Variants in THRB observed in about 807,000 individuals in gnomAD.
The protein encoded by THRB is nuclear receptor subfamily 1 group A member 2.
THRB carries 12 observed loss-of-function variants against 47.8 expected under a neutral mutation model. That is an observed-to-expected ratio of 0.25 (90% CI 0.16 to 0.41). THRB has a LOEUF of 0.41. THRB is among the 10% of genes least tolerant of loss of function. THRB has a pLI of 1.00. For missense variants in THRB, 348 were observed against 589.2 expected (o/e 0.59, Z 4.24); for synonymous variants, 218 against 212.2 (o/e 1.03, Z -0.24).
Position 24,369,612 on chromosome 3 carries a change from AT to A in THRB, c.-260-32242del, listed in dbSNP as rs371315710. On this transcript the variant is annotated intron_variant, in intron 1 of 10. Coordinates refer to ENST00000646209, the MANE Select transcript of THRB (RefSeq NM_001354712.2). ...CAGTATTTTACCCCTATGCTGGGCT[AT>A]TTTTTAACACTCCTCTCCTCTCTTG... Among the ~76,000 whole-genome samples, 28 of 152,218 alleles carry A rather than the reference AT, an allele frequency of 1.8e-4. No homozygotes were observed. In the East Asian group the frequency reaches 4.2e-3, roughly 23 times the overall value.
chr3:24,336,051 G>T (rs1180394545), intron 2 of THRB, among the ~76,000 whole-genome samples: 1 of 152,212 alleles, frequency 6.6e-6, no homozygotes, highest in Non-Finnish European at 1.5e-5. Context: ...AAAGGAGAGG[G>T]CTATTTGTAA....
chr3:24,357,497 A>G (rs979040070), intron 1 of THRB, among the ~76,000 whole-genome samples: 1 of 151,998 alleles, frequency 6.6e-6, no homozygotes, highest in African/African-American at 2.4e-5. Context: ...GAGTCTCCAT[A>G]GAGTTTGTGA....
intron 2 of THRB, among the ~76,000 whole-genome samples, chr3:24,333,061 G>C (rs1403516010): frequency 6.6e-6 from 1 of 152,120 alleles, no homozygotes; most frequent in African/African-American, 2.4e-5. Context: ...TCCAGCCTGG[G>C]TGACAGAGCG....
chr3:24,239,248 T>C lies in THRB; in HGVS notation c.-42-10247A>G, dbSNP rs4468924. Among the ~76,000 whole-genome samples the C allele has an allele frequency of 2.4e-3, 360 of 152,212 alleles. 1 individual carries two copies. Among genetic ancestry groups the C allele is most frequent in the Non-Finnish European group, 3.6e-3 (247 of 68,012 alleles). ...TGAGCCACTGCATTCAGTCGCACAT[T>C]AGGTTCTTGTTTAATTCTGCTTGGT... On this transcript the variant is annotated intron_variant, in intron 3 of 10. Transcript: ENST00000646209.
At chr3:24,481,656 T>C (rs1696441366) in intron 1 of THRB, among the ~76,000 whole-genome samples, 1 of 152,042 alleles carries the variant, frequency 6.6e-6, no homozygotes, top group Non-Finnish European at 1.5e-5. Flanking sequence ...TGAGGGAAAG[T>C]GTCATTGGAG....
chr3:24,413,845 T>G (rs2068528022), intron 1 of THRB, among the ~76,000 whole-genome samples: 1 of 151,778 alleles, frequency 6.6e-6, no homozygotes, highest in Non-Finnish European at 1.5e-5. Flanking sequence ...TAAAAAAGGA[T>G]GAGTTCATAT....
At chr3:24,203,096 T>C (rs190398616) in intron 4 of THRB, among the ~76,000 whole-genome samples, 1 of 152,148 alleles carries the variant, frequency 6.6e-6, no homozygotes, top group East Asian at 1.9e-4. Flanking sequence ...TCCTGGAAAA[T>C]GAATGGAGGA....
chr3:24,161,551 A>G lies in THRB; in HGVS notation c.284-9061T>C, dbSNP rs187451066. ...AAGCTTGAGAAAGAAACATTCCCCA[A>G]TTTGCTACTTAATTTTCATTTCAAA... On this transcript the variant is annotated intron_variant, in intron 5 of 10. Transcript: ENST00000646209. 4.6e-5 allele frequency among the ~76,000 whole-genome samples: 7 copies of G among 150,738 alleles called. No individual in the cohort carries two copies. In the East Asian group the frequency reaches 1.4e-3, roughly 30 times the overall value.
intron 1 of THRB, among the ~76,000 whole-genome samples, chr3:24,369,459 A>T (rs557803685): frequency 6.6e-6 from 1 of 152,292 alleles, no homozygotes; most frequent in East Asian, 1.9e-4. Flanking sequence ...TTGCCTTCAC[A>T]ACAAGGAATT....
intron 1 of THRB, among the ~76,000 whole-genome samples, chr3:24,462,256 G>C (rs2073774438): frequency 6.6e-6 from 1 of 152,180 alleles, no homozygotes; most frequent in African/African-American, 2.4e-5. Context: ...GCACCTTTAA[G>C]GGATAGGCTT....
Position 24,119,054 on chromosome 3 carries a change from T to G in THRB, c.*3830A>C, listed in dbSNP as rs369341188. On this transcript the variant is annotated 3_prime_UTR_variant, in exon 11 of 11. Transcript: ENST00000646209. ...TAAAGATTAAAGTAAAATGTCTCAA[T>G]TGTAAAAAATACACACCGGGCAAAT... The G allele has an allele frequency of 2.1e-5, 3 of 139,610 alleles. No homozygotes were observed. Among genetic ancestry groups the G allele is most frequent in the African/African-American group, 8.4e-5 (3 of 35,894 alleles). The allele number at this position is 139,610 out of a possible 1,614,324, so 8.6% of individuals were successfully genotyped here. A position where few individuals can be genotyped will look rare whatever the true frequency, so the allele number is the denominator to read the frequency against.
intron 4 of THRB, among the ~76,000 whole-genome samples, chr3:24,214,490 C>T (rs933585428): frequency 9.2e-5 from 14 of 152,002 alleles, no homozygotes; most frequent in Non-Finnish European, 1.9e-4. Flanking sequence ...TCATAGGAAA[C>T]AATAAAAGCT....
At chr3:24,127,897 T>G in intron 9 of THRB, 140 bp from the exon 10 acceptor site, 1 of 1,014,792 alleles carries the variant, frequency 9.9e-7, no homozygotes, top group South Asian at 1.4e-5. Flanking sequence ...TGGTTTTCCC[T>G]TCCCTACTTG....
At chr3:24,390,066 T>C (rs1214500683) in intron 1 of THRB, among the ~76,000 whole-genome samples, 1 of 152,152 alleles carries the variant, frequency 6.6e-6, no homozygotes, top group Non-Finnish European at 1.5e-5. Flanking sequence ...CCCACTGCTT[T>C]AGACCATGTG....
chr3:24,202,503 A>C (rs2044711543), intron 4 of THRB, among the ~76,000 whole-genome samples: 1 of 152,212 alleles, frequency 6.6e-6, no homozygotes, highest in African/African-American at 2.4e-5. Context: ...AGTATTTATG[A>C]CCGGCTCTGC....
intron 3 of THRB, among the ~76,000 whole-genome samples, chr3:24,264,893 G>A (rs753793144): frequency 9.8e-5 from 15 of 152,298 alleles, no homozygotes; most frequent in Non-Finnish European, 2.1e-4. Flanking sequence ...AGAACCGTAG[G>A]TGGGTGGAAG....
intron 1 of THRB, among the ~76,000 whole-genome samples, chr3:24,363,762 T>C (rs2064243949): frequency 1.3e-5 from 2 of 152,160 alleles, no homozygotes; most frequent in Admixed American, 1.3e-4. Flanking sequence ...TTTAAGCTCA[T>C]TAATTTCAAG....
chr3:24,258,169 GC>G (rs972703439), intron 3 of THRB, among the ~76,000 whole-genome samples: 29 of 152,202 alleles, frequency 1.9e-4, no homozygotes, highest in African/African-American at 6.8e-4. Flanking sequence ...AGAGGCTGGG[GC>G]CTCGGACTCA....
intron 3 of THRB, among the ~76,000 whole-genome samples, chr3:24,292,060 CAT>C (rs1219061422): frequency 2.6e-5 from 4 of 151,940 alleles, no homozygotes; most frequent in African/African-American, 9.7e-5. Context: ...AAAAGAGTAA[CAT>C]AAAGTGAAAG....
Sources: allele counts gnomAD v4.1 joint callset (sites outside exome capture counted in the v4.1 genomes callset), GRCh38; gene constraint gnomAD v4.1.1; transcripts MANE v1.5; gene names NCBI Gene and HGNC (gene_info 2026-07-23, HGNC 2026-07-21).